COL20A1: variants seen among roughly 807,000 people sequenced by gnomAD.
COL20A1 encodes collagen alpha-1(XX) chain.
Under a neutral mutation model 152.9 loss-of-function variants are expected in COL20A1, and 164 were observed. The ratio of observed to expected loss-of-function variants is 1.07; its 90% CI spans 0.94 to 1.22. The LOEUF is 1.22. Ranked by LOEUF, COL20A1 falls within the 50% of genes most tolerant of loss-of-function variation. COL20A1 has a pLI of 0.00. For synonymous variants in COL20A1, 864 were observed against 756.0 expected (o/e 1.14, Z -2.34); for missense variants, 1,873 against 1,744.8 (o/e 1.07, Z -1.31).
chr20:63,326,273 C>A, intron 30 of COL20A1, 124 bp downstream of exon 30: 2 of 757,576 alleles, frequency 2.6e-6, no homozygotes, highest in Non-Finnish European at 2.3e-6. Flanking sequence ...CCTGGGAGGG[C>A]CTCACTTCTG....
intron 1 of COL20A1, 138 bp from the exon 2 acceptor site, chr20:63,294,960 C>T: frequency 6.6e-6 from 4 of 607,228 alleles, no homozygotes; most frequent in Admixed American, 3.1e-5. Context: ...GCCTCTGGTC[C>T]TCACACATGT....
intron 27 of COL20A1, chr20:63,324,622 C>T (rs1302915677): frequency 6.6e-6 from 1 of 152,524 alleles, no homozygotes; most frequent in Non-Finnish European, 1.5e-5. Context: ...TGGATGATTG[C>T]TGCATCCGTC....
chr20:63,321,068 C>A lies in COL20A1; in HGVS notation c.3209C>A (p.Thr1070Asn), dbSNP rs1394424314. Residue 1070 changes from threonine to asparagine, a missense_variant, in exon 26 of 36, where the codon ACC (threonine) becomes AAC (asparagine). By Grantham distance (65) the Thr-to-Asn change is moderately conservative. Coordinates refer to ENST00000358894, the MANE Select transcript of COL20A1 (RefSeq NM_020882.4). ...TCTGCCTGTTCCTGTTCCTCAGAGA[C>A]CCCTGGGCCCCCAGGACCTCAAGGA... ...FVSACSCSSE[T>N]PGPPGPQGPP... 1.9e-6 allele frequency: 3 copies of A among 1,601,736 alleles called. No homozygotes were observed. The highest frequency in any genetic ancestry group is 2.6e-6 in the Non-Finnish European group (3 of 1,174,808).
chr20:63,312,911 C>T lies in COL20A1; in HGVS notation c.2053C>T (p.Leu685=). 1.3e-6 allele frequency: 2 copies of T among 1,555,702 alleles called. No individual in the cohort carries two copies. The highest frequency in any genetic ancestry group is 2.4e-5 in the East Asian group (1 of 41,442). Residue 685 remains leucine, a synonymous_variant, in exon 16 of 36, where the codon CTG becomes TTG. Transcript: ENST00000358894. ...VLVYQITWTP[L]GEGKAHEISV... is the part of the protein sequence containing the mutation. ...TGTCTACCAGATCACGTGGACGCCC[C>T]TGGGAGAGGGGAAGGCTCACGAGGT...
At chr20:63,304,278 T>C (rs2123384356) in intron 3 of COL20A1, among the ~76,000 whole-genome samples, 1 of 106,928 alleles carries the variant, frequency 9.4e-6, no homozygotes, top group South Asian at 4.3e-4. Flanking sequence ...CAGGTGTGGG[T>C]TCCTCCCTCC....
chr20:63,320,631 G>C (rs1259715373), intron 25 of COL20A1, among the ~76,000 whole-genome samples: 2 of 152,336 alleles, frequency 1.3e-5, no homozygotes, highest in East Asian at 1.9e-4. Context: ...GCCAGGTGCA[G>C]ATGAGTCAGG....
chr20:63,296,249 G>A (rs1482597298), intron 2 of COL20A1, among the ~76,000 whole-genome samples: 1 of 152,278 alleles, frequency 6.6e-6, no homozygotes, highest in Non-Finnish European at 1.5e-5. Context: ...GGGGCCAGTG[G>A]GGGCTGAGAT....
chr20:63,320,990 G>A (rs770387478), intron 25 of COL20A1, 23 bp from the exon 26 acceptor site: 9 of 1,530,342 alleles, frequency 5.9e-6, no homozygotes, highest in African/African-American at 1.4e-5. Flanking sequence ...TCTCTCTAAT[G>A]GGCAGGGTCT....
At position 63,325,426 on chromosome 20, in the gene COL20A1, A is replaced by G; in HGVS notation, c.3295-15A>G. On this transcript the variant is annotated splice_polypyrimidine_tract_variant and intron_variant, in intron 27 of 35. Coordinates refer to ENST00000358894, the MANE Select transcript of COL20A1 (RefSeq NM_020882.4). ...CCCCCTCCGCTTCGCTGTCCAGCCC[A>G]TCTTCCCCCTCCAGGGTCCACCAGG... 1.2e-6 allele frequency: 2 copies of G among 1,607,508 alleles called. No individual in the cohort carries two copies. Among genetic ancestry groups the G allele is most frequent in the Non-Finnish European group, 1.7e-6 (2 of 1,174,794 alleles).
chr20:63,309,880 G>A lies in COL20A1; in HGVS notation c.1228G>A (p.Val410Ile), dbSNP rs372938275. ...CCGGCACCCCCTCAAGTATCTGATC[G>A]TTTGGCGAGCCTCTAGAGGTGGCAC... ...APRHPLKYLI[V>I]WRASRGGTPR... The change falls in exon 10 of 36, where the codon GTT becomes ATT. Residue 410 changes from valine (V) to isoleucine (I), a missense_variant. Physicochemically the swap from Val to Ile is conservative, Grantham distance 29 (BLOSUM62 3). Coordinates refer to ENST00000358894, the MANE Select transcript of COL20A1 (RefSeq NM_020882.4). The A allele has an allele frequency of 4.0e-5, 64 of 1,606,834 alleles. No individual in the cohort carries two copies. Among genetic ancestry groups the A allele is most frequent in the Non-Finnish European group, 3.7e-5 (44 of 1,177,436 alleles).
intron 16 of COL20A1, 52 bp downstream of exon 16, chr20:63,312,986 C>A: frequency 6.5e-7 from 1 of 1,528,028 alleles, no homozygotes; most frequent in East Asian, 2.5e-5. Context: ...GGCCCCTAGT[C>A]CTGAAGCCAA....
chr20:63,328,110 A>G lies in COL20A1; in HGVS notation c.3596A>G (p.Gln1199Arg). 6.2e-7 allele frequency: 1 copy of G among 1,613,212 alleles called. No homozygotes were observed. Among genetic ancestry groups the G allele is most frequent in the East Asian group, 2.2e-5 (1 of 44,868 alleles). Residue 1199 changes from glutamine to arginine, a missense_variant, in exon 33 of 36, where the codon CAG becomes CGG. Coordinates refer to ENST00000358894, the MANE Select transcript of COL20A1 (RefSeq NM_020882.4). ...GEPQSLATLY[Q>R]LVSQASHVSK... ...CCGCAGTCCCTTGCCACCCTCTACC[A>G]GCTTGTGAGCCAGGCCTGTGAGTCT...
chr20:63,316,681 A>G lies in COL20A1; in HGVS notation c.2653A>G (p.Arg885Gly), dbSNP rs774340879. The G allele has an allele frequency of 1.8e-4, 286 of 1,565,140 alleles. 2 individuals carry two copies. In the South Asian group the frequency reaches 3.0e-3, roughly 16 times the overall value. Residue 885 changes from arginine (R) to glycine (G), a missense_variant, in exon 21 of 36, where the codon AGA becomes GGA. Arg to Gly is a moderately radical substitution (Grantham distance 125). Coordinates refer to ENST00000358894, the MANE Select transcript of COL20A1 (RefSeq NM_020882.4). Reference sequence around the variant, plus strand: ...GCTCTTCAAGGACGCCCAGCTGACAAGACGGGTCAGGTGTGAGGGCAAGGG... The same window carrying G: ...GCTCTTCAAGGACGCCCAGCTGACAGGACGGGTCAGGTGTGAGGGCAAGGG... ...FTLFKDAQLTRRVSDVYPAPL... is the reference protein window; with the variant it reads ...FTLFKDAQLTGRVSDVYPAPL...
At chr20:63,315,363 G>A in intron 19 of COL20A1, 41 bp from the exon 20 acceptor site, 1 of 1,549,384 alleles carries the variant, frequency 6.5e-7, no homozygotes, top group Non-Finnish European at 8.7e-7. Flanking sequence ...GTTGGAGGCT[G>A]GGCCGCTCCC....
chr20:63,315,555 T>G (rs113041753), intron 20 of COL20A1, 116 bp downstream of exon 20: 25 of 962,326 alleles, frequency 2.6e-5, no homozygotes, highest in Middle Eastern at 4.8e-4. Flanking sequence ...TTGGAGGATG[T>G]TTGGGCGGGT....
At chr20:63,304,332 T>C (rs1265954542) in intron 3 of COL20A1, among the ~76,000 whole-genome samples, 9 of 70,396 alleles carry the variant, frequency 1.3e-4, no homozygotes, top group Admixed American at 3.4e-4. Context: ...TCCCTCCTCT[T>C]CTCCCTGCAG....
chr20:63,312,411 C>T lies in COL20A1; in HGVS notation c.1804-9C>T. ...TGGGCCTGCCATGTCGCCCTCCCAC[C>T]TGCTGCAGACAGAGGCTCCTGGGAA... is the stretch of plus-strand genomic sequence containing the variant. On this transcript the variant is annotated splice_polypyrimidine_tract_variant and intron_variant, in intron 14 of 35. Coordinates refer to ENST00000358894, the MANE Select transcript of COL20A1 (RefSeq NM_020882.4). The T allele has an allele frequency of 6.4e-7, 1 of 1,570,810 alleles. No homozygotes were observed. The highest frequency in any genetic ancestry group is 1.2e-5 in the South Asian group (1 of 84,996).
intron 5 of COL20A1, 42 bp from the exon 6 acceptor site, chr20:63,307,448 G>T: frequency 6.3e-7 from 1 of 1,582,746 alleles, no homozygotes; most frequent in Non-Finnish European, 8.6e-7. Context: ...TTGGACCAGG[G>T]ATGGGCCTCA....
Position 63,329,599 on chromosome 20 carries a change from G to A in COL20A1, c.3796G>A (p.Val1266Ile). 2 of 1,609,552 alleles carry A rather than the reference G, an allele frequency of 1.2e-6. 1 individual carries two copies. The highest frequency in any genetic ancestry group is 2.2e-5 in the South Asian group (2 of 90,556). ...HLEGRGEPGA[V>I]GQMGSPGQQG... is the part of the protein sequence containing the mutation. ...TTTCCTCGCAGGGGAGCCTGGAGCT[G>A]TTGGTCAGATGGGCAGCCCTGGGCA... The change falls in exon 35 of 36, where the codon GTT becomes ATT. Residue 1266 changes from valine (V) to isoleucine (I), a missense_variant. Transcript: ENST00000358894.
Sources: gnomAD v4.1 joint callset for allele counts (sites outside exome capture counted in the v4.1 genomes callset) on GRCh38, gnomAD v4.1.1 for gene constraint, MANE v1.5 for transcripts, NCBI Gene and HGNC (gene_info 2026-07-23, HGNC 2026-07-21) for gene names.